The following PDZD2 variants were observed in gnomAD, a reference collection of about 807,000 sequenced individuals.
PDZD2 encodes the protein PDZ domain containing 2.
In PDZD2, 90 loss-of-function variants were observed where a neutral mutation model predicts 220.7. The ratio of observed to expected loss-of-function variants is 0.41; its 90% CI spans 0.34 to 0.49. The LOEUF (loss-of-function observed/expected upper bound fraction) is 0.49, where lower values mean the gene tolerates loss of function less well. Among genes scored for constraint, PDZD2 ranks in the 20% least tolerant of loss-of-function variants. The pLI is 0.28. For missense variants in PDZD2, 3,174 were observed against 3,608.5 expected (o/e 0.88, Z 3.08); for synonymous variants, 1,375 against 1,450.5 (o/e 0.95, Z 1.18).
At chr5:32,082,663 T>C (rs1038419951) in intron 19 of PDZD2, among the ~76,000 whole-genome samples, 1 of 152,200 alleles carries the variant, frequency 6.6e-6, no homozygotes, top group Non-Finnish European at 1.5e-5. Flanking sequence ...GAGAAACATA[T>C]ATGTGTGTAT....
At chr5:31,695,959 C>G (rs1473652057) in intron 1 of PDZD2, among the ~76,000 whole-genome samples, 1 of 152,148 alleles carries the variant, frequency 6.6e-6, no homozygotes, top group Non-Finnish European at 1.5e-5. Flanking sequence ...CCCCAAAGTT[C>G]TCCTCTTTTG....
chr5:31,972,810 C>T (rs1050192722), intron 2 of PDZD2, among the ~76,000 whole-genome samples: 1 of 152,192 alleles, frequency 6.6e-6, no homozygotes, highest in African/African-American at 2.4e-5. Flanking sequence ...TGTACCACCC[C>T]TCCAGGAAAA....
intron 2 of PDZD2, among the ~76,000 whole-genome samples, chr5:31,895,682 T>C (rs529796320): frequency 1.3e-5 from 2 of 152,160 alleles, no homozygotes; most frequent in Non-Finnish European, 2.9e-5. Flanking sequence ...CATGAACATA[T>C]TGTAAATCCC....
chr5:31,865,916 C>T (rs1042400097), intron 2 of PDZD2, among the ~76,000 whole-genome samples: 1 of 151,368 alleles, frequency 6.6e-6, no homozygotes, highest in African/African-American at 2.4e-5. Flanking sequence ...CAGGCGTGAG[C>T]CACCGCACCT....
chr5:31,943,771 T>C (rs1241848641), intron 2 of PDZD2, among the ~76,000 whole-genome samples: 1 of 152,204 alleles, frequency 6.6e-6, no homozygotes, highest in Non-Finnish European at 1.5e-5. Flanking sequence ...TTTATTCCTT[T>C]TGCGCAGGAT....
chr5:31,789,135 A>G lies in PDZD2; in HGVS notation c.-360-9754A>G, dbSNP rs566283715. ...TGGAGGTAGGATGTCTGGGGCTGGT[A>G]TAGCTGCTCAAGGTCACAAGATGGT... On this transcript the variant is annotated intron_variant, in intron 1 of 24. Transcript: ENST00000438447. Among the ~76,000 whole-genome samples the G allele has an allele frequency of 1.1e-3, 172 of 152,324 alleles. 7 individuals carry two copies. The South Asian group carries it at 0.034, about 30-fold the overall frequency.
chr5:31,658,632 T>C (rs1201463974), intron 1 of PDZD2, among the ~76,000 whole-genome samples: 1 of 152,092 alleles, frequency 6.6e-6, no homozygotes, highest in East Asian at 1.9e-4. Flanking sequence ...ACTTTTTTTT[T>C]TTTTTGAGAC....
Position 31,760,517 on chromosome 5 carries a change from G to A in PDZD2, c.-360-38372G>A, listed in dbSNP as rs577092690. Reference sequence around the variant, plus strand: ...GTAGATTTCAAAGAATGGTATGGGTGTGGATTGTAGAGCAATAGAAAGGCA... The same window carrying A: ...GTAGATTTCAAAGAATGGTATGGGTATGGATTGTAGAGCAATAGAAAGGCA... On this transcript the variant is annotated intron_variant, in intron 1 of 24. Transcript: ENST00000438447. 7.2e-5 allele frequency among the ~76,000 whole-genome samples: 11 copies of A among 152,290 alleles called. No homozygotes were observed. In the South Asian group the frequency reaches 2.3e-3, roughly 32 times the overall value.
chr5:31,868,846 A>G (rs554770611), intron 2 of PDZD2, among the ~76,000 whole-genome samples: 1 of 152,294 alleles, frequency 6.6e-6, no homozygotes, highest in African/African-American at 2.4e-5. Context: ...ATGTCAGCTC[A>G]CTGGAACCAC....
intron 1 of PDZD2, among the ~76,000 whole-genome samples, chr5:31,641,867 T>A (rs1744961448): frequency 6.6e-6 from 1 of 152,068 alleles, no homozygotes; most frequent in African/African-American, 2.4e-5. Context: ...AGGGCCTTAT[T>A]TTTTTCATAC....
chr5:31,898,743 A>G (rs1477072454), intron 2 of PDZD2, among the ~76,000 whole-genome samples: 4 of 148,630 alleles, frequency 2.7e-5, no homozygotes, highest in Non-Finnish European at 5.9e-5. Context: ...ATATGTGGGA[A>G]CTCACCAGAC....
At chr5:31,776,443 GT>G (rs985872386) in intron 1 of PDZD2, among the ~76,000 whole-genome samples, 4 of 144,252 alleles carry the variant, frequency 2.8e-5, no homozygotes, top group African/African-American at 1.0e-4. Flanking sequence ...CATACATTGT[GT>G]TTTTATTTTA....
At chr5:31,788,863 G>A (rs1482141943) in intron 1 of PDZD2, among the ~76,000 whole-genome samples, 1 of 152,156 alleles carries the variant, frequency 6.6e-6, no homozygotes, top group African/African-American at 2.4e-5. Context: ...TTAAGGGGCA[G>A]ACACATGCTC....
At chr5:32,048,708 T>C in intron 8 of PDZD2, 24 bp downstream of exon 8, 1 of 1,612,858 alleles carries the variant, frequency 6.2e-7, no homozygotes, top group Non-Finnish European at 8.5e-7. Context: ...TGTGGATCTT[T>C]TCAAAGACCA....
At chr5:31,884,815 T>C (rs1740292700) in intron 2 of PDZD2, among the ~76,000 whole-genome samples, 1 of 152,042 alleles carries the variant, frequency 6.6e-6, no homozygotes, top group African/African-American at 2.4e-5. Context: ...GCTAATTTTT[T>C]TATTTTTAGT....
chr5:31,776,434 A>G (rs553993959), intron 1 of PDZD2, among the ~76,000 whole-genome samples: 3 of 150,866 alleles, frequency 2.0e-5, no homozygotes, highest in Non-Finnish European at 4.4e-5. Context: ...CCTACTCCCC[A>G]TACATTGTGT....
At chr5:31,795,713 A>G (rs1332938227) in intron 1 of PDZD2, among the ~76,000 whole-genome samples, 1 of 152,202 alleles carries the variant, frequency 6.6e-6, no homozygotes, top group Non-Finnish European at 1.5e-5. Context: ...TTTTCATAGC[A>G]TTGCAACATC....
intron 1 of PDZD2, among the ~76,000 whole-genome samples, chr5:31,703,964 TCTCTCTCTCTCTTTCTTTC>T (rs1747711061): frequency 2.2e-5 from 2 of 91,834 alleles, no homozygotes; most frequent in Non-Finnish European, 5.0e-5. Context: ...TCTTTCTCTC[TCTCTCTCTCTCTTTCTTTC>T]CTTTCTTTCC....
At chr5:32,077,821 G>A (rs937033418) in intron 19 of PDZD2, 1 of 455,038 alleles carries the variant, frequency 2.2e-6, no homozygotes, top group Admixed American at 3.2e-5. Flanking sequence ...GCCGGGCGTG[G>A]TGGTGCGCAC....
Sources: allele counts gnomAD v4.1 joint callset (sites outside exome capture counted in the v4.1 genomes callset), GRCh38; gene constraint gnomAD v4.1.1; transcripts MANE v1.5; gene names NCBI Gene and HGNC (gene_info 2026-07-23, HGNC 2026-07-21).